Variants in DCDC2C observed in about 807,000 individuals in gnomAD.
DCDC2C encodes the protein doublecortin domain containing 2C.
DCDC2C carries 44 observed loss-of-function variants against 45.0 expected under a neutral mutation model. The ratio of observed to expected loss-of-function variants is 0.98; its 90% CI spans 0.77 to 1.26. The LOEUF (loss-of-function observed/expected upper bound fraction) is 1.26, where lower values mean the gene tolerates loss of function less well. Among genes scored for constraint, DCDC2C ranks in the 50% most tolerant of loss-of-function variants. The probability of loss-of-function intolerance (pLI) is 0.00; values close to 1 mark genes in which losing one functional copy is unlikely to be tolerated. For missense variants in DCDC2C, 447 were observed against 468.9 expected, an observed-to-expected ratio of 0.95 and a Z score of 0.43; for synonymous variants, 187 against 178.8, an observed-to-expected ratio of 1.05 and a Z score of -0.37.
Position 3,703,672 on chromosome 2 carries a change from C to A in DCDC2C, c.-80C>A. ...GGACCTCCCGTCGGCGGTGCCCGGG[C>A]CTGGGCGCGGCTCTGCAGGCGTCGC... On this transcript the variant is annotated 5_prime_UTR_variant, in exon 1 of 11. Transcript: ENST00000399143. The surrounding 1 kb of genome is among the most constrained non-coding windows in gnomAD (Gnocchi z 4.4). 1 of 1,201,476 alleles carries A rather than the reference C, an allele frequency of 8.3e-7. No homozygotes were observed. Among genetic ancestry groups the A allele is most frequent in the Non-Finnish European group, 1.0e-6 (1 of 965,088 alleles). 74.4% of individuals were successfully genotyped at this position (1,201,476 alleles called of 1,614,324 possible).
At chr2:3,748,694 G>C (rs1187040711) in intron 4 of DCDC2C, among the ~76,000 whole-genome samples, 2 of 152,150 alleles carry the variant, frequency 1.3e-5, no homozygotes, top group Non-Finnish European at 2.9e-5. Context: ...GTGGGATGGA[G>C]TTGGTGTTGG....
intron 10 of DCDC2C, among the ~76,000 whole-genome samples, chr2:3,839,632 G>A (rs977974217): frequency 2.6e-5 from 4 of 152,092 alleles, no homozygotes; most frequent in African/African-American, 7.2e-5. Context: ...ATTCTTGTTC[G>A]TTTTTCCCTC....
chr2:3,766,086 C>T (rs1269343119), intron 6 of DCDC2C, among the ~76,000 whole-genome samples: 2 of 152,218 alleles, frequency 1.3e-5, no homozygotes, highest in East Asian at 1.9e-4. Context: ...TGACTTTCCA[C>T]GTCAGGGTGG....
At chr2:3,725,666 CAG>C (rs1491407549) in intron 2 of DCDC2C, among the ~76,000 whole-genome samples, 1 of 141,400 alleles carries the variant, frequency 7.1e-6, no homozygotes, top group Non-Finnish European at 1.5e-5. Flanking sequence ...GGGAGATGAG[CAG>C]AGAGTGAGGA....
chr2:3,754,421 T>C (rs1669627385), intron 5 of DCDC2C, among the ~76,000 whole-genome samples, 171 bp from the exon 6 acceptor site: 1 of 152,254 alleles, frequency 6.6e-6, no homozygotes, highest in Admixed American at 6.5e-5. Context: ...CTGGGGCGTT[T>C]TCTGCTCCCA....
chr2:3,801,229 A>G (rs773017676), intron 10 of DCDC2C, among the ~76,000 whole-genome samples: 5 of 152,250 alleles, frequency 3.3e-5, no homozygotes, highest in Non-Finnish European at 7.3e-5. Context: ...CTTGAGTACC[A>G]GGTTGTGGAC....
chr2:3,794,109 T>C (rs12466058), intron 10 of DCDC2C, among the ~76,000 whole-genome samples: 73,967 of 151,960 alleles, frequency 0.49, 18,872 homozygotes, highest in East Asian at 0.82. Flanking sequence ...TTATATTCTG[T>C]ACTTTGAATG....
intron 10 of DCDC2C, among the ~76,000 whole-genome samples, chr2:3,803,163 T>C (rs968681133): frequency 1.3e-5 from 2 of 152,376 alleles, no homozygotes; most frequent in East Asian, 1.9e-4. Context: ...CTACCCCTGA[T>C]ATTCTCGTGT....
intron 10 of DCDC2C, among the ~76,000 whole-genome samples, chr2:3,829,295 T>G (rs1671899592): frequency 1.3e-5 from 2 of 151,860 alleles, no homozygotes; most frequent in South Asian, 4.2e-4. Context: ...TTTTTTTTTT[T>G]TTTTTGCATT....
chr2:3,777,733 T>C (rs1670384708), intron 8 of DCDC2C, among the ~76,000 whole-genome samples: 1 of 152,238 alleles, frequency 6.6e-6, no homozygotes, highest in Non-Finnish European at 1.5e-5. Context: ...TCTGCCATAC[T>C]GAAGACATAC....
intron 10 of DCDC2C, among the ~76,000 whole-genome samples, chr2:3,814,913 G>A (rs891323696): frequency 2.6e-5 from 4 of 152,274 alleles, no homozygotes; most frequent in African/African-American, 9.6e-5. Context: ...GAAAAGCACA[G>A]CCTGGGGCTA....
chr2:3,741,151 A>G (rs1287212617), intron 3 of DCDC2C, among the ~76,000 whole-genome samples: 1 of 152,244 alleles, frequency 6.6e-6, no homozygotes, highest in African/African-American at 2.4e-5. Flanking sequence ...ACACGTAGAA[A>G]CAATAAACTA....
At chr2:3,828,388 G>A (rs1671877668) in intron 10 of DCDC2C, among the ~76,000 whole-genome samples, 1 of 152,222 alleles carries the variant, frequency 6.6e-6, no homozygotes, top group African/African-American at 2.4e-5. Context: ...CTCTCTGTGG[G>A]CTTGCCTCAT....
chr2:3,736,126 A>G (rs357958), intron 3 of DCDC2C, among the ~76,000 whole-genome samples: 70,423 of 152,032 alleles, frequency 0.46, 16,864 homozygotes, highest in East Asian at 0.72. Flanking sequence ...GGAGGGAAGC[A>G]GAAGAACTTA....
At position 3,815,265 on chromosome 2, in the gene DCDC2C, T is replaced by C. The variant is rs1671526042; in HGVS notation, c.1065+30165T>C. Among the ~76,000 whole-genome samples, 2 of 152,340 alleles carry C rather than the reference T, an allele frequency of 1.3e-5. 1 individual carries two copies. Among genetic ancestry groups the C allele is most frequent in the Middle Eastern group, 6.8e-3 (2 of 294 alleles). Reference sequence around the variant, plus strand: ...AGCACGCTCACTCACTGCCTCCCTTTGCTGGTGGGGAGGGGGCTCCCCTGC... The same window carrying C: ...AGCACGCTCACTCACTGCCTCCCTTCGCTGGTGGGGAGGGGGCTCCCCTGC... On this transcript the variant is annotated intron_variant, in intron 10 of 10. Coordinates refer to ENST00000399143, the MANE Select transcript of DCDC2C (RefSeq NM_001287444.2).
rs1358055634 is a variant in DCDC2C, at chr2:3,759,963, C to T, written c.726+5329C>T. 3.9e-5 allele frequency among the ~76,000 whole-genome samples: 6 copies of T among 152,230 alleles called. No individual in the cohort carries two copies. In the East Asian group the frequency reaches 1.2e-3, roughly 29 times the overall value. On this transcript the variant is annotated intron_variant, in intron 6 of 10. Coordinates refer to ENST00000399143, the MANE Select transcript of DCDC2C (RefSeq NM_001287444.2). ...AAAGCTGTAGTGTTTTAAGAGCAGG[C>T]ATCTGGCCTCTGACCTCTGCACTTG...
chr2:3,730,842 T>C (rs1352874861), intron 3 of DCDC2C, among the ~76,000 whole-genome samples: 2 of 152,216 alleles, frequency 1.3e-5, no homozygotes, highest in Non-Finnish European at 2.9e-5. Flanking sequence ...CCTCCAGTGG[T>C]ATACTGAGTT....
chr2:3,822,981 T>C (rs147167378), intron 10 of DCDC2C, among the ~76,000 whole-genome samples: 26 of 152,262 alleles, frequency 1.7e-4, no homozygotes, highest in South Asian at 1.7e-3. Context: ...CCGTGTAAGG[T>C]GTGACTTGTT....
At chr2:3,776,822 G>A (rs950330949) in intron 8 of DCDC2C, among the ~76,000 whole-genome samples, 2 of 152,092 alleles carry the variant, frequency 1.3e-5, no homozygotes, top group African/African-American at 2.4e-5. Context: ...TGCAACTCGC[G>A]GTCTCCTTCC....
Sources: gnomAD v4.1 joint callset for allele counts (sites outside exome capture counted in the v4.1 genomes callset) on GRCh38, gnomAD v4.1.1 for gene constraint, Gnocchi (gnomAD v3.1) non-coding constraint, MANE v1.5 for transcripts, NCBI Gene and HGNC (gene_info 2026-07-23, HGNC 2026-07-21) for gene names.